The following PIN4 variants were observed in gnomAD, a reference collection of about 807,000 sequenced individuals.
PIN4 encodes peptidylprolyl cis/trans isomerase, NIMA-interacting 4.
A neutral mutation model predicts 8.3 loss-of-function variants in PIN4; 3 were observed. The ratio of observed to expected loss-of-function variants is 0.36; its 90% confidence interval spans 0.16 to 0.93. The LOEUF (loss-of-function observed/expected upper bound fraction) is 0.93. PIN4 is among the 40% of genes least tolerant of loss of function. The pLI, the probability that PIN4 is intolerant of heterozygous loss-of-function variation, is 0.44. For missense variants in PIN4, 75 were observed against 100.6 expected (o/e 0.75, Z 1.09); for synonymous variants, 18 against 32.5 (o/e 0.55, Z 1.52).
intron 3 of PIN4, among the ~76,000 whole-genome samples, chrX:72,212,081 C>A (rs1476404410): frequency 9.0e-6 from 1 of 110,524 alleles, no homozygotes; most frequent in African/African-American, 3.3e-5. Context: ...TCAGGACCAG[C>A]CTGGCCAACA....
In PIN4 at chrX:72,197,665, A is replaced by G; in HGVS notation, c.*139A>G. The G allele has an allele frequency of 9.4e-7, 1 of 1,060,379 alleles. No individual in the cohort carries two copies. The highest frequency in any genetic ancestry group is 1.2e-6 in the Non-Finnish European group (1 of 819,695). The allele number at this position is 1,060,379 out of a possible 1,213,427, so 87.4% of individuals were successfully genotyped here. On this transcript the variant is annotated 3_prime_UTR_variant, in exon 4 of 4. Coordinates refer to ENST00000373669, the MANE Select transcript of PIN4 (RefSeq NM_006223.4). ...TTGGATGCTCCTTGTATTCTGTGAAAGCTCTAAGTATGGGTTTGTAGGTGT... is the reference window on the plus strand; with the variant it reads ...TTGGATGCTCCTTGTATTCTGTGAAGGCTCTAAGTATGGGTTTGTAGGTGT...
At chrX:72,203,573 C>A (rs2042799940) in intron 3 of PIN4, among the ~76,000 whole-genome samples, 1 of 111,629 alleles carries the variant, frequency 9.0e-6, no homozygotes, top group African/African-American at 3.3e-5. Context: ...AACTGGAGAA[C>A]TGCTTGATGT....
intron 2 of PIN4, among the ~76,000 whole-genome samples, chrX:72,191,586 G>A (rs1382361431): frequency 9.0e-6 from 1 of 111,715 alleles, no homozygotes; most frequent in Non-Finnish European, 1.9e-5. Context: ...TAGAATTTCT[G>A]GAGGTGATTC....
chrX:72,245,588 G>A (rs2043064921), intron 3 of PIN4, among the ~76,000 whole-genome samples: 2 of 111,535 alleles, frequency 1.8e-5, no homozygotes, highest in African/African-American at 6.5e-5. Flanking sequence ...TGAGACTGAG[G>A]GTTTAATCTC....
chrX:72,182,415 G>A (rs987749973), intron 1 of PIN4, among the ~76,000 whole-genome samples: 3 of 110,295 alleles, frequency 2.7e-5, no homozygotes, highest in Non-Finnish European at 5.7e-5. Context: ...GTGGTGGTGC[G>A]CGCCCGTAAT....
intron 2 of PIN4, among the ~76,000 whole-genome samples, chrX:72,195,587 G>A (rs888233463): frequency 9.0e-6 from 1 of 110,636 alleles, no homozygotes; most frequent in African/African-American, 3.3e-5. Flanking sequence ...GTTGCAGTGA[G>A]CCAAGATCGG....
chrX:72,232,513 A>G (rs2042990745), intron 3 of PIN4, among the ~76,000 whole-genome samples: 1 of 109,984 alleles, frequency 9.1e-6, no homozygotes. Flanking sequence ...GAAACTAGAA[A>G]ATCACGACTT....
rs550254283 is a variant in PIN4, at chrX:72,212,215, G to A, written c.312+15311G>A. 1.9e-4 allele frequency among the ~76,000 whole-genome samples: 21 copies of A among 110,309 alleles called. 1 individual carries two copies. In the South Asian group the frequency reaches 7.8e-3, roughly 41 times the overall value. ...TCACGTGAAAGGCGGGGGTTGCAGT[G>A]AGCCAAGATCGCACCACTACACTCC... is the stretch of plus-strand genomic sequence containing the variant. On this transcript the variant is annotated intron_variant, in intron 3 of 3. Coordinates refer to the PIN4 transcript ENST00000423432.
At chrX:72,222,339 A>T (rs181205230) in intron 3 of PIN4, among the ~76,000 whole-genome samples, 41 of 111,799 alleles carry the variant, frequency 3.7e-4, no homozygotes, top group African/African-American at 1.3e-3. Context: ...ACTCCTGATG[A>T]AAAGGAGAGC....
intron 2 of PIN4, among the ~76,000 whole-genome samples, chrX:72,193,502 G>A (rs2042746884): frequency 9.1e-6 from 1 of 110,412 alleles, no homozygotes; most frequent in East Asian, 2.8e-4. Flanking sequence ...GTGGGCCTAA[G>A]CTAGTGTGTG....
At chrX:72,260,503 C>T (rs1288892160) in intron 3 of PIN4, among the ~76,000 whole-genome samples, 1 of 111,552 alleles carries the variant, frequency 9.0e-6, no homozygotes, top group Non-Finnish European at 1.9e-5. Flanking sequence ...CCTGAGAGAC[C>T]TCATCCCTCC....
At chrX:72,222,935 T>A (rs1193743547) in intron 3 of PIN4, among the ~76,000 whole-genome samples, 1 of 108,493 alleles carries the variant, frequency 9.2e-6, no homozygotes, top group African/African-American at 3.4e-5. Flanking sequence ...ACTGAAGCCA[T>A]GCTAAAATAT....
chrX:72,226,203 G>T (rs908823058), intron 3 of PIN4, among the ~76,000 whole-genome samples: 1 of 111,180 alleles, frequency 9.0e-6, no homozygotes, highest in African/African-American at 3.3e-5. Flanking sequence ...GAATTTAATT[G>T]AAAGTTCTCT....
At chrX:72,248,291 GAAAAAA>G (rs55908553) in intron 3 of PIN4, among the ~76,000 whole-genome samples, 3 of 54,889 alleles carry the variant, frequency 5.5e-5, no homozygotes, top group Non-Finnish European at 8.3e-5. Context: ...GCTCCATCCA[GAAAAAA>G]AAAAAAAAAA....
intron 1 of PIN4, among the ~76,000 whole-genome samples, chrX:72,183,726 G>T (rs1474667156): frequency 2.7e-5 from 3 of 112,237 alleles, no homozygotes; most frequent in Non-Finnish European, 5.6e-5. Flanking sequence ...AGGATTAAGA[G>T]AAAGTTTTAT....
chrX:72,241,665 A>C (rs1163783157), intron 3 of PIN4, among the ~76,000 whole-genome samples: 1 of 110,977 alleles, frequency 9.0e-6, no homozygotes, highest in African/African-American at 3.3e-5. Context: ...AAAAATGCAA[A>C]ATTAGCCGGG....
At chrX:72,236,107 G>C (rs1335457707) in intron 3 of PIN4, among the ~76,000 whole-genome samples, 1 of 110,887 alleles carries the variant, frequency 9.0e-6, no homozygotes, top group Non-Finnish European at 1.9e-5. Flanking sequence ...GAGTAAGGTA[G>C]AAGATGGAGA....
intron 2 of PIN4, among the ~76,000 whole-genome samples, chrX:72,192,842 C>A (rs141752771): frequency 0.026 from 2,931 of 111,569 alleles, 118 homozygotes; most frequent in African/African-American, 0.089. Flanking sequence ...AAGGGATCCT[C>A]CCACCTTGGC....
chrX:72,207,972 T>G, intron 3 of PIN4: 1 of 1,211,359 alleles, frequency 8.3e-7, no homozygotes, highest in Non-Finnish European at 1.1e-6. Context: ...ACCATAGTTC[T>G]TGTAAATTAT....
Sources: allele counts gnomAD v4.1 joint callset (sites outside exome capture counted in the v4.1 genomes callset), GRCh38; gene constraint gnomAD v4.1.1; transcripts MANE v1.5; gene names NCBI Gene and HGNC (gene_info 2026-07-23, HGNC 2026-07-21).